The following COL19A1 variants were observed in gnomAD, a reference collection of about 807,000 sequenced individuals.
The protein encoded by COL19A1 is collagen alpha-1(XIX) chain.
Under a neutral mutation model 190.2 loss-of-function variants are expected in COL19A1, and 159 were observed. That is an observed-to-expected ratio of 0.84 (90% CI 0.73 to 0.95). The LOEUF (loss-of-function observed/expected upper bound fraction) is 0.95, where lower values mean the gene tolerates loss of function less well. Among genes scored for constraint, COL19A1 ranks in the 40% least tolerant of loss-of-function variants. COL19A1 has a pLI of 0.00. For synonymous variants in COL19A1, 509 were observed against 458.9 expected (o/e 1.11, Z -1.39); for missense variants, 1,418 against 1,431.9 (o/e 0.99, Z 0.16).
At chr6:70,178,338 T>C (rs933898658) in intron 42 of COL19A1, among the ~76,000 whole-genome samples, 2 of 152,090 alleles carry the variant, frequency 1.3e-5, no homozygotes, top group African/African-American at 2.4e-5. Context: ...ATCGTGTCAC[T>C]GCACTCCAAA....
chr6:70,176,549 A>G lies in COL19A1; in HGVS notation c.2652A>G (p.Gly884=). The change falls in exon 42 of 51, where the codon GGA becomes GGG. Residue 884 remains glycine, a synonymous_variant. Coordinates refer to ENST00000620364, the MANE Select transcript of COL19A1 (RefSeq NM_001858.6). The stretch of plus-strand genomic sequence containing the variant: ...ATCGAGGCCCAGCAGGTCCCCCAGG[A>G]ATAGCAGGGATGTCGGTGAGTTCAG... ...KGDRGPAGPP[G]IAGMSGKPGA... 1.2e-6 allele frequency: 2 copies of G among 1,613,596 alleles called. No homozygotes were observed. The highest frequency in any genetic ancestry group is 1.7e-6 in the Non-Finnish European group (2 of 1,179,762).
At position 70,158,108 on chromosome 6, in the gene COL19A1, T is replaced by C. The variant is rs1022182944; in HGVS notation, c.2292+1385T>C. ...AAGTTCAGGAGATTCTTTTCCATTGTTTCTTCACACTACGTGAATAATATG... is the reference window on the plus strand; with the variant it reads ...AAGTTCAGGAGATTCTTTTCCATTGCTTCTTCACACTACGTGAATAATATG... On this transcript the variant is annotated intron_variant, in intron 34 of 50. Transcript: ENST00000620364. 4.6e-5 allele frequency among the ~76,000 whole-genome samples: 7 copies of C among 152,154 alleles called. No homozygotes were observed. In the East Asian group the frequency reaches 5.8e-4, roughly 13 times the overall value.
At chr6:69,986,619 T>C (rs1176667856) in intron 11 of COL19A1, among the ~76,000 whole-genome samples, 1 of 152,188 alleles carries the variant, frequency 6.6e-6, no homozygotes, top group African/African-American at 2.4e-5. Flanking sequence ...ATGTACTAAA[T>C]ATGTGAAGCC....
At chr6:69,938,175 T>C (rs1773232090) in intron 9 of COL19A1, 75 bp downstream of exon 9, 1 of 1,367,466 alleles carries the variant, frequency 7.3e-7, no homozygotes, top group African/African-American at 1.4e-5. Context: ...TTCATCTCAT[T>C]TTTCTTTATT....
chr6:70,116,744 A>G (rs534710872), intron 16 of COL19A1, among the ~76,000 whole-genome samples: 1 of 152,302 alleles, frequency 6.6e-6, no homozygotes, highest in South Asian at 2.1e-4. Context: ...AAATTAGTCC[A>G]AAGGACTTTC....
intron 18 of COL19A1, 151 bp from the exon 19 acceptor site, chr6:70,137,534 C>G (rs1237781775): frequency 1.5e-6 from 1 of 668,930 alleles, no homozygotes; most frequent in African/African-American, 1.8e-5. Context: ...TAAAAATAGC[C>G]TAAGTAGATT....
At chr6:69,992,413 C>G (rs1236520008) in intron 11 of COL19A1, among the ~76,000 whole-genome samples, 1 of 151,584 alleles carries the variant, frequency 6.6e-6, no homozygotes, top group Non-Finnish European at 1.5e-5. Flanking sequence ...TTCTCTAATT[C>G]TGTGAAAAAT....
chr6:70,202,424 T>C (rs1006045995), intron 49 of COL19A1, among the ~76,000 whole-genome samples: 2 of 152,238 alleles, frequency 1.3e-5, no homozygotes, highest in African/African-American at 4.8e-5. Context: ...AAGTTGCTTA[T>C]ATTGGCAAAA....
Position 69,929,455 on chromosome 6 carries a change from G to A in COL19A1, c.421G>A (p.Val141Met). 1 of 1,613,922 alleles carries A rather than the reference G, an allele frequency of 6.2e-7. No individual in the cohort carries two copies. Among genetic ancestry groups the A allele is most frequent in the East Asian group, 2.2e-5 (1 of 44,870 alleles). Residue 141 changes from valine to methionine, a missense_variant, in exon 6 of 51, where the codon GTG (valine) becomes ATG (methionine). Val to Met is a conservative substitution (Grantham distance 21). Transcript: ENST00000620364. ...TATAGTAGTTGATGGTGGAAAGAAG[G>A]TGGTGGAATTTATGTTTCAAGCCAC... ...ISIVVDGGKK[V>M]VEFMFQATEG...
intron 11 of COL19A1, among the ~76,000 whole-genome samples, chr6:69,975,847 A>T (rs968122618): frequency 2.6e-5 from 4 of 152,190 alleles, no homozygotes; most frequent in Non-Finnish European, 4.4e-5. Flanking sequence ...ATGAAGGTAG[A>T]ATGAGCGTAT....
chr6:70,199,254 C>T (rs1400236443), intron 48 of COL19A1, among the ~76,000 whole-genome samples: 1 of 152,144 alleles, frequency 6.6e-6, no homozygotes, highest in East Asian at 1.9e-4. Flanking sequence ...TGGAAAGTGC[C>T]TTAAAGTTAT....
Position 70,130,207 on chromosome 6 carries a change from G to A in COL19A1, c.1367G>A (p.Gly456Asp), listed in dbSNP as rs1384452397. The change falls in exon 18 of 51, where the codon GGC (glycine) becomes GAC (aspartate). Residue 456 changes from glycine to aspartate, a missense_variant. By Grantham distance (94) the Gly-to-Asp change is moderately conservative (BLOSUM62 -1). Coordinates refer to ENST00000620364, the MANE Select transcript of COL19A1 (RefSeq NM_001858.6). Reference sequence around the variant, plus strand: ...GGAAATGATGAACATGAAGCTGGAGGCCTGAAAGGAGACAAGGTAATCAGA... The same window carrying A: ...GGAAATGATGAACATGAAGCTGGAGACCTGAAAGGAGACAAGGTAATCAGA... ...NKGNDEHEAG[G>D]LKGDKGETGL... 6.2e-7 allele frequency: 1 copy of A among 1,612,222 alleles called. No individual in the cohort carries two copies. Among genetic ancestry groups the A allele is most frequent in the Non-Finnish European group, 8.5e-7 (1 of 1,179,440 alleles).
chr6:70,145,090 A>T, intron 25 of COL19A1, 83 bp downstream of exon 25: 1 of 1,029,232 alleles, frequency 9.7e-7, no homozygotes, highest in African/African-American at 1.6e-5. Flanking sequence ...GATCACAAGT[A>T]TGGGAATAAG....
intron 4 of COL19A1, among the ~76,000 whole-genome samples, chr6:69,901,526 G>A (rs1051033675): frequency 6.6e-6 from 1 of 152,248 alleles, no homozygotes; most frequent in African/African-American, 2.4e-5. Flanking sequence ...GGACACTTCA[G>A]CAGATGTAAC....
chr6:70,208,302 G>A lies in COL19A1; in HGVS notation c.*1028G>A, dbSNP rs1176154567. The A allele has an allele frequency of 1.3e-5, 2 of 152,238 alleles. No individual in the cohort carries two copies. Among genetic ancestry groups the A allele is most frequent in the East Asian group, 1.9e-4 (1 of 5,198 alleles). The allele number at this position is 152,238 out of a possible 1,614,324, so 9.4% of individuals were successfully genotyped here. The stretch of plus-strand genomic sequence containing the variant: ...GACTCACTTGTCCTAGAAGATGAAT[G>A]TGTAGTGTCAGCAAATGCATGTTAA... On this transcript the variant is annotated 3_prime_UTR_variant, in exon 51 of 51. Coordinates refer to ENST00000620364, the MANE Select transcript of COL19A1 (RefSeq NM_001858.6).
chr6:70,016,527 G>A (rs538800048), intron 11 of COL19A1, among the ~76,000 whole-genome samples: 3 of 149,574 alleles, frequency 2.0e-5, no homozygotes, highest in Non-Finnish European at 4.4e-5. Flanking sequence ...CTTATTGTAT[G>A]CTGGTTACAC....
chr6:69,943,988 C>T (rs1773631073), intron 9 of COL19A1, among the ~76,000 whole-genome samples: 1 of 151,904 alleles, frequency 6.6e-6, no homozygotes, highest in Non-Finnish European at 1.5e-5. Context: ...TGAGGCTTCA[C>T]ATAATGTGTA....
intron 4 of COL19A1, among the ~76,000 whole-genome samples, chr6:69,918,793 G>A (rs991666187): frequency 2.6e-5 from 4 of 152,106 alleles, no homozygotes; most frequent in African/African-American, 9.7e-5. Context: ...AGGAAAGGCA[G>A]GAAAAAATAA....
intron 44 of COL19A1, 55 bp downstream of exon 44, chr6:70,180,578 TCTC>T: frequency 6.5e-7 from 1 of 1,545,760 alleles, no homozygotes; most frequent in Non-Finnish European, 8.9e-7. Context: ...TCTAACATTA[TCTC>T]CTCATCTACC....
Sources: gnomAD v4.1 joint callset for allele counts (sites outside exome capture counted in the v4.1 genomes callset) on GRCh38, gnomAD v4.1.1 for gene constraint, MANE v1.5 for transcripts, NCBI Gene and HGNC (gene_info 2026-07-23, HGNC 2026-07-21) for gene names.